The following RNF144A variants were observed in gnomAD, a reference collection of about 807,000 sequenced individuals.
The protein encoded by RNF144A is E3 ubiquitin-protein ligase RNF144A.
RNF144A carries 11 observed loss-of-function variants against 38.7 expected under a neutral mutation model. The observed-to-expected ratio is 0.28, with a 90% CI of 0.18 to 0.47. RNF144A has a LOEUF of 0.47. RNF144A is among the 20% of genes least tolerant of loss of function. The pLI is 0.99. For missense variants in RNF144A, 316 were observed against 377.2 expected (o/e 0.84, Z 1.34); for synonymous variants, 149 against 143.9 (o/e 1.04, Z -0.25).
intron 8 of RNF144A, among the ~76,000 whole-genome samples, chr2:7,038,678 G>A (rs1381283480): frequency 6.6e-6 from 1 of 152,030 alleles, no homozygotes; most frequent in Non-Finnish European, 1.5e-5. Flanking sequence ...TCGGTGGATG[G>A]ATATATAGTG....
At chr2:6,927,003 C>T (rs1664918086) in intron 1 of RNF144A, among the ~76,000 whole-genome samples, 1 of 152,142 alleles carries the variant, frequency 6.6e-6, no homozygotes, top group African/African-American at 2.4e-5. Flanking sequence ...AGGGATTCAT[C>T]TCTTAAACTT....
rs1477917182 is a variant in RNF144A, at chr2:7,041,307, C to A, written c.*1547C>A. On this transcript the variant is annotated 3_prime_UTR_variant, in exon 9 of 9. Transcript: ENST00000320892. ...CAGTCTCAGGTCCTAGTTTACTTTC[C>A]CTGGTTGGAAATTTATTTCTTATTT... 1.0e-6 allele frequency: 1 copy of A among 985,764 alleles called. No homozygotes were observed. Among genetic ancestry groups the A allele is most frequent in the East Asian group, 1.1e-4 (1 of 8,820 alleles). The allele number at this position is 985,764 out of a possible 1,614,324, so 61.1% of individuals were successfully genotyped here.
downstream of RNF144A, among the ~76,000 whole-genome samples, chr2:7,046,986 C>T (rs1207292613): frequency 6.6e-6 from 1 of 152,218 alleles, no homozygotes; most frequent in African/African-American, 2.4e-5. Flanking sequence ...TCTCTTCTCA[C>T]TTCTCAGAAT....
chr2:7,028,913 G>C (rs2103443242), intron 7 of RNF144A, among the ~76,000 whole-genome samples: 1 of 152,296 alleles, frequency 6.6e-6, no homozygotes, highest in East Asian at 1.9e-4. Flanking sequence ...ACCTGTAACA[G>C]CCAGGATTTG....
intron 2 of RNF144A, among the ~76,000 whole-genome samples, chr2:6,970,775 C>G (rs1667957878): frequency 6.6e-6 from 1 of 152,190 alleles, no homozygotes; most frequent in Non-Finnish European, 1.5e-5. Flanking sequence ...TGACTTGCAC[C>G]TGCTTTCTGC....
intron 1 of RNF144A, among the ~76,000 whole-genome samples, chr2:6,940,260 G>A (rs993899213): frequency 3.3e-5 from 5 of 152,002 alleles, no homozygotes; most frequent in Non-Finnish European, 7.4e-5. Context: ...TGATGTTTTG[G>A]TAGTTATTAA....
At chr2:7,062,585 G>T (rs1230211227) in intron 6 of RNF144A, 1 of 151,748 alleles carries the variant, frequency 6.6e-6, no homozygotes, top group Non-Finnish European at 1.5e-5. Context: ...CATTATAGTA[G>T]CAGGGACATT....
At chr2:6,918,955 A>C (rs909880756) in intron 1 of RNF144A, among the ~76,000 whole-genome samples, 2 of 152,022 alleles carry the variant, frequency 1.3e-5, no homozygotes, top group Non-Finnish European at 2.9e-5. Flanking sequence ...CACTTCCCGT[A>C]ATGGGGCCTG....
In RNF144A at chr2:6,958,759, G is replaced by A. The variant is rs562913863; in HGVS notation, c.-12+17612G>A. On this transcript the variant is annotated intron_variant, in intron 2 of 8. Transcript: ENST00000320892. This position sits in a 1 kb window ranked among gnomAD's most constrained non-coding sequence, Gnocchi z 4.5. ...GACAGTTGCTTCTGTGCATCCCGCAGGAGGAGGCAGAGGAGGACATGGGCC... is the reference window on the plus strand; with the variant it reads ...GACAGTTGCTTCTGTGCATCCCGCAAGAGGAGGCAGAGGAGGACATGGGCC... 1.4e-3 allele frequency among the ~76,000 whole-genome samples: 208 copies of A among 152,330 alleles called. 1 individual carries two copies. The highest frequency in any genetic ancestry group is 4.7e-3 in the African/African-American group (196 of 41,586).
At chr2:7,069,759 T>A (rs1195839493), downstream of RNF144A, among the ~76,000 whole-genome samples, 1 of 152,248 alleles carries the variant, frequency 6.6e-6, no homozygotes, top group African/African-American at 2.4e-5. Context: ...CAGGCCTATA[T>A]TAGAGAAGCT....
chr2:6,992,236 C>T (rs1283467005), intron 2 of RNF144A, among the ~76,000 whole-genome samples: 8 of 152,240 alleles, frequency 5.3e-5, no homozygotes, highest in East Asian at 1.9e-4. Flanking sequence ...GCCAGGCTCA[C>T]GGAAACAGAT....
At chr2:6,938,607 C>T (rs962105196) in intron 1 of RNF144A, among the ~76,000 whole-genome samples, 38 of 152,128 alleles carry the variant, frequency 2.5e-4, no homozygotes, top group African/African-American at 7.5e-4. Context: ...TAAAAGTCAT[C>T]GTTTTAAAGT....
intron 3 of RNF144A, among the ~76,000 whole-genome samples, chr2:7,002,339 T>G (rs942700083): frequency 6.6e-6 from 1 of 152,220 alleles, no homozygotes; most frequent in Admixed American, 6.5e-5. Context: ...GATCCCTTGC[T>G]CAGCATTAGA....
Position 6,941,077 on chromosome 2 carries a change from G to A in RNF144A, c.-82G>A, listed in dbSNP as rs1665941673. ...CCTGAGGGCAGAGACATCTGAGTGT[G>A]TATAAGCACAGCAGGACACCAGGAC... On this transcript the variant is annotated 5_prime_UTR_variant, in exon 2 of 9. Transcript: ENST00000320892. This position sits in a 1 kb window ranked among gnomAD's most constrained non-coding sequence, Gnocchi z 6.5. 6.6e-6 allele frequency: 1 copy of A among 152,210 alleles called. No individual in the cohort carries two copies. Among genetic ancestry groups the A allele is most frequent in the Admixed American group, 6.5e-5 (1 of 15,282 alleles). The allele number at this position is 152,210 out of a possible 1,614,324, so 9.4% of individuals were successfully genotyped here.
At chr2:7,010,365 T>C (rs1417022139) in intron 3 of RNF144A, among the ~76,000 whole-genome samples, 1 of 152,234 alleles carries the variant, frequency 6.6e-6, no homozygotes, top group Non-Finnish European at 1.5e-5. Context: ...GGGCTTTTGC[T>C]GCTTCAATTT....
intron 1 of RNF144A, among the ~76,000 whole-genome samples, chr2:6,922,034 G>T (rs1231112712): frequency 6.6e-6 from 1 of 152,108 alleles, no homozygotes; most frequent in African/African-American, 2.4e-5. Context: ...CTCCTGGAAG[G>T]TCCCATCAGT....
chr2:6,934,771 A>G (rs1665459018), intron 1 of RNF144A, among the ~76,000 whole-genome samples: 1 of 152,224 alleles, frequency 6.6e-6, no homozygotes, highest in Non-Finnish European at 1.5e-5. Flanking sequence ...GACTCTGTGG[A>G]GTCCTAGATA....
chr2:6,982,827 C>A (rs137980833), intron 2 of RNF144A, among the ~76,000 whole-genome samples: 1 of 152,182 alleles, frequency 6.6e-6, no homozygotes, highest in Admixed American at 6.5e-5. Context: ...TGGGATTCTT[C>A]GGGTTTCTGT....
chr2:7,005,142 A>G (rs1572383977), intron 3 of RNF144A, among the ~76,000 whole-genome samples: 2 of 152,124 alleles, frequency 1.3e-5, no homozygotes, highest in East Asian at 3.9e-4. Flanking sequence ...GTAAGAGTGA[A>G]TGGTGGGAAA....
Sources: allele counts gnomAD v4.1 joint callset (sites outside exome capture counted in the v4.1 genomes callset), GRCh38; gene constraint gnomAD v4.1.1; non-coding constraint Gnocchi (gnomAD v3.1); transcripts MANE v1.5; gene names NCBI Gene and HGNC (gene_info 2026-07-23, HGNC 2026-07-21).